Variants in MYOT observed in about 807,000 individuals in gnomAD.
MYOT encodes the protein myotilin.
MYOT carries 36 observed loss-of-function variants against 58.0 expected under a neutral mutation model. That is an observed-to-expected ratio of 0.62 (90% CI 0.48 to 0.82). The LOEUF is 0.82. MYOT is among the 40% of genes least tolerant of loss of function. The probability of loss-of-function intolerance (pLI) is 0.00; values close to 1 mark genes in which losing one functional copy is unlikely to be tolerated. For synonymous variants in MYOT, 218 were observed against 204.6 expected, an observed-to-expected ratio of 1.07 and a Z score of -0.56; for missense variants, 505 against 592.1, an observed-to-expected ratio of 0.85 and a Z score of 1.53.
intron 4 of MYOT, 132 bp from the exon 5 acceptor site, chr5:137,880,684 A>G: frequency 1.4e-6 from 1 of 728,924 alleles, no homozygotes; most frequent in Non-Finnish European, 2.4e-6. Context: ...TAAAAGCTGA[A>G]TATATAGAAC....
Position 137,870,986 on chromosome 5 carries a change from T to A in MYOT, c.335T>A (p.Ile112Asn), listed in dbSNP as rs752723849. ...CAGCCTGATTACAATAGCAGTAAAA[T>A]CCCTTCCGCTATGGATTCCAAGTAA... Reference protein sequence around the residue: ...PSQPDYNSSKIPSAMDSNYQQ... With the variant: ...PSQPDYNSSKNPSAMDSNYQQ... The change falls in exon 2 of 10, where the codon ATC becomes AAC. Residue 112 changes from isoleucine to asparagine, a missense_variant. Coordinates refer to ENST00000239926, the MANE Select transcript of MYOT (RefSeq NM_006790.3). 2.9e-5 allele frequency: 47 copies of A among 1,613,626 alleles called. No individual in the cohort carries two copies. The highest frequency in any genetic ancestry group is 3.9e-5 in the Non-Finnish European group (46 of 1,179,730).
chr5:137,878,748 G>C (rs113281365), intron 4 of MYOT, among the ~76,000 whole-genome samples: 1 of 151,924 alleles, frequency 6.6e-6, no homozygotes, highest in African/African-American at 2.4e-5. Context: ...GCTTGAACCC[G>C]TGAGATGGAG....
intron 4 of MYOT, 99 bp from the exon 5 acceptor site, chr5:137,880,717 G>T: frequency 9.6e-7 from 1 of 1,045,964 alleles, no homozygotes; most frequent in Non-Finnish European, 1.5e-6. Context: ...TTCAAATACA[G>T]CCAAAATAGG....
Position 137,882,103 on chromosome 5 carries a change from AAAGT to A in MYOT, c.816+2_816+5del. On this transcript the variant is annotated splice_donor_variant and coding_sequence_variant, in exon 6 of 10. Coordinates refer to ENST00000239926, the MANE Select transcript of MYOT (RefSeq NM_006790.3). LOFTEE classifies it high-confidence loss of function. Reference sequence around the variant, plus strand: ...AGGAAGATTCTGCAGAATGGACTTCAAAGTAAGAGAAGGGTTCAAAAGTACTGGG... The same window carrying A: ...AGGAAGATTCTGCAGAATGGACTTCAAAGAGAAGGGTTCAAAAGTACTGGG... The A allele has an allele frequency of 6.2e-7, 1 of 1,614,196 alleles. No homozygotes were observed. The highest frequency in any genetic ancestry group is 8.5e-7 in the Non-Finnish European group (1 of 1,180,012).
Position 137,883,844 on chromosome 5 carries a change from GA to G in MYOT, c.1024+256del, listed in dbSNP as rs141219783. Among the ~76,000 whole-genome samples, 114 of 152,208 alleles carry G rather than the reference GA, an allele frequency of 7.5e-4. 1 individual carries two copies. The highest frequency in any genetic ancestry group is 2.7e-3 in the African/African-American group (112 of 41,528). On this transcript the variant is annotated intron_variant, in intron 7 of 9. Transcript: ENST00000239926. The stretch of plus-strand genomic sequence containing the variant: ...CAGATCTATCACCAAAGCTTTTCTG[GA>G]AAGAAAATAAATCATACAATTTTAG...
rs1371140129 is a variant in MYOT at position 137,887,428 on chromosome 5, A to G, written c.*43A>G. ...GAAAACAGCCAACTACACCATTAGTAATATATTTGATTACATTTTTTTGAA... is the reference window on the plus strand; with the variant it reads ...GAAAACAGCCAACTACACCATTAGTGATATATTTGATTACATTTTTTTGAA... On this transcript the variant is annotated 3_prime_UTR_variant, in exon 10 of 10. Transcript: ENST00000239926. 6.3e-7 allele frequency: 1 copy of G among 1,591,680 alleles called. No individual in the cohort carries two copies. Among genetic ancestry groups the G allele is most frequent in the Admixed American group, 1.7e-5 (1 of 59,908 alleles).
intron 2 of MYOT, among the ~76,000 whole-genome samples, chr5:137,875,487 T>TA (rs200244512): frequency 1.3e-5 from 2 of 151,526 alleles, no homozygotes; most frequent in African/African-American, 2.4e-5. Context: ...TCCCAGAATC[T>TA]AAAAAAAAAT....
At position 137,870,945 on chromosome 5, in the gene MYOT, C is replaced by T. The variant is rs760983514; in HGVS notation, c.294C>T (p.Ser98=). The change falls in exon 2 of 10, where the codon AGC becomes AGT. Residue 98 remains serine (S), a synonymous_variant. Coordinates refer to ENST00000239926, the MANE Select transcript of MYOT (RefSeq NM_006790.3). The stretch of plus-strand genomic sequence containing the variant: ...ACCAGTCCCCAGCCAGCTTCCTCAG[C>T]TCCATATTACCATCACAGCCTGATT... ...TYNQSPASFL[S]SILPSQPDYN... is the part of the protein sequence containing the mutation. The T allele has an allele frequency of 6.2e-7, 1 of 1,614,244 alleles. No individual in the cohort carries two copies. The highest frequency in any genetic ancestry group is 1.1e-5 in the South Asian group (1 of 91,092).
chr5:137,883,416 G>A lies in MYOT; in HGVS notation c.849G>A (p.Trp283Ter), dbSNP rs1283955503. 6.2e-7 allele frequency: 1 copy of A among 1,613,920 alleles called. No homozygotes were observed. The highest frequency in any genetic ancestry group is 2.2e-5 in the East Asian group (1 of 44,886). ...GACTGCCAGCTCCTGATGTGTCATG[G>A]TATCTAAATGGAAGAACAGTTCAAT... ...VSGLPAPDVS[W>*]YLNGRTVQSD... The change falls in exon 7 of 10, where the codon TGG (tryptophan) becomes TGA (stop). Residue 283 changes from tryptophan (W) to a stop codon, truncating the protein, a stop_gained. Coordinates refer to ENST00000239926, the MANE Select transcript of MYOT (RefSeq NM_006790.3). LOFTEE classifies it high-confidence loss of function.
In MYOT at chr5:137,877,621, G is replaced by C; in HGVS notation, c.633G>C (p.Gln211His). The stretch of plus-strand genomic sequence containing the variant: ...ATGACAGTGGTGCACAAGACTCGCA[G>C]GTAAGTTAAAATGCTCTAAGTGGAG... ...AQDDSGAQDS[Q>H]QHNSEHARLQ... The change falls in exon 4 of 10, where the codon CAG becomes CAC. Residue 211 changes from glutamine to histidine, a missense_variant and splice_region_variant. Gln to His is a conservative substitution (Grantham distance 24, BLOSUM62 0). Coordinates refer to ENST00000239926, the MANE Select transcript of MYOT (RefSeq NM_006790.3). 1.2e-6 allele frequency: 2 copies of C among 1,606,026 alleles called. No individual in the cohort carries two copies.
At chr5:137,882,186 T>C in intron 6 of MYOT, 81 bp downstream of exon 6, 2 of 1,493,140 alleles carry the variant, frequency 1.3e-6, no homozygotes, top group East Asian at 2.3e-5. Context: ...TCCTACTTCA[T>C]AGCTTGCAAA....
intron 3 of MYOT, among the ~76,000 whole-genome samples, chr5:137,876,533 C>G (rs1003674255): frequency 2.6e-5 from 4 of 152,210 alleles, no homozygotes; most frequent in Non-Finnish European, 5.9e-5. Context: ...TGGCTGGGTG[C>G]AGTGGCTCAC....
Position 137,876,046 on chromosome 5 carries a change from T to A in MYOT, c.531+43T>A, listed in dbSNP as rs749524448. 3 of 1,593,358 alleles carry A rather than the reference T, an allele frequency of 1.9e-6. No homozygotes were observed. In the African/African-American group the frequency reaches 4.0e-5, roughly 21 times the overall value. On this transcript the variant is annotated intron_variant, in intron 3 of 9. Transcript: ENST00000239926. The stretch of plus-strand genomic sequence containing the variant: ...TTTGTACAAAAGGCCAATTAAACTA[T>A]AAAATCTAATTTTAATAAGGAAGTT...
At chr5:137,877,180 G>T (rs1056171666) in intron 3 of MYOT, among the ~76,000 whole-genome samples, 3 of 151,584 alleles carry the variant, frequency 2.0e-5, no homozygotes, top group African/African-American at 4.8e-5. Context: ...CATCCTGGCT[G>T]ACACAGTGAA....
intron 4 of MYOT, 134 bp downstream of exon 4, chr5:137,877,755 C>T: frequency 1.4e-6 from 1 of 690,642 alleles, no homozygotes. Flanking sequence ...ATAAAGAGGC[C>T]ATGATAAACA....
intron 8 of MYOT, 78 bp downstream of exon 8, chr5:137,886,291 G>T (rs1014345388): frequency 6.9e-6 from 7 of 1,016,100 alleles, no homozygotes; most frequent in Non-Finnish European, 1.0e-5. Flanking sequence ...ATTATAAATG[G>T]CATGCATTTA....
chr5:137,883,996 T>G (rs1480768563), intron 7 of MYOT, among the ~76,000 whole-genome samples: 2 of 152,194 alleles, frequency 1.3e-5, no homozygotes, highest in African/African-American at 2.4e-5. Flanking sequence ...ATAACCAATC[T>G]GACTCACAGT....
intron 2 of MYOT, among the ~76,000 whole-genome samples, chr5:137,874,386 G>A (rs1266457043): frequency 6.6e-6 from 1 of 152,120 alleles, no homozygotes; most frequent in Non-Finnish European, 1.5e-5. Context: ...AGAATCACCT[G>A]AACCCGGGAG....
At chr5:137,878,563 G>A (rs1190264904) in intron 4 of MYOT, among the ~76,000 whole-genome samples, 3 of 152,088 alleles carry the variant, frequency 2.0e-5, no homozygotes, top group Non-Finnish European at 2.9e-5. Context: ...AGTGGCTCAC[G>A]CCTGTAATCC....
Sources: gnomAD v4.1 joint callset for allele counts (sites outside exome capture counted in the v4.1 genomes callset) on GRCh38, gnomAD v4.1.1 for gene constraint, MANE v1.5 for transcripts, NCBI Gene and HGNC (gene_info 2026-07-23, HGNC 2026-07-21) for gene names.